Variants in COX20 observed in about 807,000 individuals in gnomAD.
The protein encoded by COX20 is cytochrome c oxidase assembly protein COX20, mitochondrial.
In COX20, 14 loss-of-function variants were observed where a neutral mutation model predicts 14.3. The observed-to-expected ratio is 0.98, with a 90% CI of 0.65 to 1.53. The LOEUF is 1.53. Ranked by LOEUF, COX20 falls within the 40% of genes most tolerant of loss-of-function variation. The pLI, the probability that COX20 is intolerant of heterozygous loss-of-function variation, is 0.00. For missense variants in COX20, 149 were observed against 142.1 expected (o/e 1.05, Z -0.25); for synonymous variants, 56 against 51.7 (o/e 1.08, Z -0.36).
intron 1 of COX20, 90 bp downstream of exon 1, chr1:244,835,846 C>A: frequency 1.1e-6 from 1 of 908,746 alleles, no homozygotes; most frequent in South Asian, 5.2e-5. Flanking sequence ...GCACGTGTCA[C>A]TGGCTTCTCT....
Position 244,842,046 on chromosome 1 carries a change from T to C in COX20, c.145T>C (p.Phe49Leu), listed in dbSNP as rs1323929669. The C allele has an allele frequency of 1.9e-6, 3 of 1,605,258 alleles. No individual in the cohort carries two copies. ...ATCTGTTGTGGCTGGCTTTGGACAT[T>C]TTTTGTTCACTAGTGAGTATCTGTA... is the stretch of plus-strand genomic sequence containing the variant. ...LGSVVAGFGHFLFTSRIRRSC... is the reference protein window; with the variant it reads ...LGSVVAGFGHLLFTSRIRRSC... The change falls in exon 2 of 4, where the codon TTT (phenylalanine) becomes CTT (leucine). Residue 49 changes from phenylalanine to leucine, a missense_variant. Coordinates refer to ENST00000411948, the MANE Select transcript of COX20 (RefSeq NM_198076.6).
chr1:244,841,369 C>T (rs1680192681), intron 1 of COX20: 1 of 152,470 alleles, frequency 6.6e-6, no homozygotes, highest in African/African-American at 2.4e-5. Flanking sequence ...AGTGCAGCCT[C>T]ACTTCACAGG....
intron 1 of COX20, among the ~76,000 whole-genome samples, chr1:244,837,557 TACATACAGGTAAATTC>T (rs1321025557): frequency 2.6e-5 from 4 of 152,346 alleles, no homozygotes; most frequent in African/African-American, 9.6e-5. Flanking sequence ...TGAAATTTGG[TACATACAGGTAAATTC>T]ACATTCAGGT....
At chr1:244,838,653 T>C (rs1418425293) in intron 1 of COX20, among the ~76,000 whole-genome samples, 1 of 152,020 alleles carries the variant, frequency 6.6e-6, no homozygotes, top group African/African-American at 2.4e-5. Flanking sequence ...TGAAGTTCAG[T>C]GGATAGATGC....
intron 1 of COX20, among the ~76,000 whole-genome samples, chr1:244,836,681 C>G (rs1256760789): frequency 6.6e-6 from 1 of 152,052 alleles, no homozygotes; most frequent in African/African-American, 2.4e-5. Context: ...TAATCACGAG[C>G]AAATATTTAT....
intron 3 of COX20, 46 bp downstream of exon 3, chr1:244,842,304 A>G: frequency 7.7e-7 from 1 of 1,304,046 alleles, no homozygotes; most frequent in East Asian, 2.3e-5. Flanking sequence ...ATAGTAGGTT[A>G]TCTAATTCAA....
chr1:244,843,373 T>C lies in COX20; in HGVS notation c.*197T>C, dbSNP rs150817056. On this transcript the variant is annotated 3_prime_UTR_variant, in exon 4 of 4. Transcript: ENST00000411948. ...CAGGATAGCATTCTTACGTGTTACA[T>C]ATAGTGGACTTGTCATCCTTAAAAT... 1.4e-3 allele frequency: 738 copies of C among 544,066 alleles called. 3 individuals carry two copies. The highest frequency in any genetic ancestry group is 5.8e-3 in the Middle Eastern group (12 of 2,080). The allele number at this position is 544,066 out of a possible 1,614,324, so 33.7% of individuals were successfully genotyped here.
intron 1 of COX20, among the ~76,000 whole-genome samples, chr1:244,838,897 A>T (rs1357499052): frequency 1.3e-5 from 2 of 151,958 alleles, no homozygotes; most frequent in Non-Finnish European, 2.9e-5. Context: ...GGCTCAAGCG[A>T]TTCTGCCTCA....
At chr1:244,836,040 AT>A (rs1199884899) in intron 1 of COX20, among the ~76,000 whole-genome samples, 2 of 152,262 alleles carry the variant, frequency 1.3e-5, no homozygotes, top group Middle Eastern at 3.4e-3. Flanking sequence ...TGGCGAGAAA[AT>A]TTTGCTGCTA....
rs1168441464 is a variant in COX20, at chr1:244,842,078, A to C, written c.157+20A>C. 1 of 1,557,292 alleles carries C rather than the reference A, an allele frequency of 6.4e-7. No individual in the cohort carries two copies. Among genetic ancestry groups the C allele is most frequent in the Admixed American group, 1.7e-5 (1 of 59,022 alleles). On this transcript the variant is annotated intron_variant, in intron 2 of 3. Transcript: ENST00000411948. ...TCACTAGTGAGTATCTGTATTTTTT[A>C]TTTCTCTATGTACTAAAAAAAGCAT...
intron 3 of COX20, 45 bp from the exon 4 acceptor site, chr1:244,842,996 G>A (rs1680268312): frequency 2.9e-6 from 4 of 1,368,534 alleles, no homozygotes; most frequent in Admixed American, 2.8e-5. Context: ...ATTAATTTCT[G>A]TAGGACTTTA....
At chr1:244,839,539 A>G (rs1488599933) in intron 1 of COX20, among the ~76,000 whole-genome samples, 1 of 152,218 alleles carries the variant, frequency 6.6e-6, no homozygotes, top group Admixed American at 6.5e-5. Flanking sequence ...AAAGGCATGT[A>G]TATTATGAAC....
At chr1:244,843,013 C>G in intron 3 of COX20, 28 bp from the exon 4 acceptor site, 1 of 1,460,016 alleles carries the variant, frequency 6.8e-7, no homozygotes, top group Non-Finnish European at 9.2e-7. Context: ...TTTATATTAA[C>G]AATTTATTCA....
chr1:244,836,579 A>G (rs1558174993), intron 1 of COX20: 1 of 1,419,402 alleles, frequency 7.0e-7, no homozygotes, highest in Non-Finnish European at 9.7e-7. Context: ...CAGGGAACCT[A>G]ATTTATATCC....
intron 3 of COX20, chr1:244,842,773 A>G (rs1019149003): frequency 3.4e-6 from 1 of 297,098 alleles, no homozygotes; most frequent in Non-Finnish European, 6.2e-6. Context: ...ATAATAGCCA[A>G]TGCTATCAGA....
At chr1:244,835,896 C>G (rs908897573) in intron 1 of COX20, 140 bp downstream of exon 1, 3 of 630,096 alleles carry the variant, frequency 4.8e-6, no homozygotes, top group Non-Finnish European at 6.9e-6. Context: ...TGTTCCTAGT[C>G]CTTATCCCAA....
At chr1:244,836,657 A>G (rs1679996346) in intron 1 of COX20, 2 of 700,034 alleles carry the variant, frequency 2.9e-6, no homozygotes, top group South Asian at 4.0e-5. Flanking sequence ...AACTAGGGAG[A>G]TCGTAACATT....
chr1:244,842,904 C>G (rs1341008294), intron 3 of COX20, 137 bp from the exon 4 acceptor site: 1 of 643,074 alleles, frequency 1.6e-6, no homozygotes, highest in African/African-American at 2.0e-5. Context: ...AAAAATAGCA[C>G]TATAAATTAG....
intron 3 of COX20, chr1:244,842,596 T>C (rs1028688113): frequency 3.4e-5 from 10 of 290,888 alleles, no homozygotes; most frequent in Non-Finnish European, 6.4e-5. Context: ...ATATAAAATA[T>C]GGATGAACCT....
Sources: gnomAD v4.1 joint callset for allele counts (sites outside exome capture counted in the v4.1 genomes callset) on GRCh38, gnomAD v4.1.1 for gene constraint, MANE v1.5 for transcripts, NCBI Gene and HGNC (gene_info 2026-07-23, HGNC 2026-07-21) for gene names.